The following AP3B1 variants were observed in gnomAD, a reference collection of about 807,000 sequenced individuals.
AP3B1 encodes the protein AP-3 complex subunit beta-1.
AP3B1 carries 61 observed loss-of-function variants against 132.5 expected under a neutral mutation model. The ratio of observed to expected loss-of-function variants is 0.46; its 90% CI spans 0.37 to 0.57. The LOEUF is 0.57. Among genes scored for constraint, AP3B1 ranks in the 20% least tolerant of loss-of-function variants. The probability of loss-of-function intolerance (pLI) is 0.00; values close to 1 mark genes in which losing one functional copy is unlikely to be tolerated. For synonymous variants in AP3B1, 388 were observed against 438.3 expected (o/e 0.89, Z 1.43); for missense variants, 1,120 against 1,289.4 (o/e 0.87, Z 2.01).
intron 8 of AP3B1, among the ~76,000 whole-genome samples, chr5:78,180,487 G>A (rs1315523597): frequency 6.6e-6 from 1 of 151,908 alleles, no homozygotes; most frequent in Non-Finnish European, 1.5e-5. Flanking sequence ...AAAATAAAAA[G>A]AAGCAGCAGC....
chr5:78,125,454 T>C (rs1401571294), intron 17 of AP3B1, among the ~76,000 whole-genome samples: 2 of 152,100 alleles, frequency 1.3e-5, no homozygotes, highest in African/African-American at 2.4e-5. Context: ...TAGAATAACA[T>C]AGTATATTAT....
chr5:78,004,462 T>G (rs550881196), intron 26 of AP3B1, among the ~76,000 whole-genome samples: 3 of 152,200 alleles, frequency 2.0e-5, no homozygotes, highest in African/African-American at 2.4e-5. Context: ...TCTCTTTAAA[T>G]GAAAAGTAAT....
intron 15 of AP3B1, among the ~76,000 whole-genome samples, chr5:78,133,518 A>T (rs1752771215): frequency 6.6e-6 from 1 of 152,178 alleles, no homozygotes; most frequent in African/African-American, 2.4e-5. Flanking sequence ...ATTTGGGACA[A>T]ATCCTAAACT....
intron 7 of AP3B1, among the ~76,000 whole-genome samples, chr5:78,183,193 C>T (rs185262995): frequency 1.3e-5 from 2 of 152,202 alleles, no homozygotes; most frequent in Non-Finnish European, 2.9e-5. Context: ...TGAGTAAAAT[C>T]CCTCTGAAGT....
chr5:78,110,155 A>C (rs2112251995), intron 20 of AP3B1, 52 bp downstream of exon 20: 1 of 1,486,548 alleles, frequency 6.7e-7, no homozygotes, highest in African/African-American at 1.4e-5. Flanking sequence ...TGTCTATTTT[A>C]GTTGCTATAA....
chr5:78,233,217 A>G lies in AP3B1; in HGVS notation c.280-4978T>C, dbSNP rs1580521960. Among the ~76,000 whole-genome samples, 3 of 148,594 alleles carry G rather than the reference A, an allele frequency of 2.0e-5. No homozygotes were observed. The South Asian group carries it at 6.3e-4, about 31-fold the overall frequency. ...CTTCTTTCATCTGGAGAAGTTCCTCAGCCTTTGTTTTTCTTTTTTCTTTTT... is the reference window on the plus strand; with the variant it reads ...CTTCTTTCATCTGGAGAAGTTCCTCGGCCTTTGTTTTTCTTTTTTCTTTTT... On this transcript the variant is annotated intron_variant, in intron 3 of 26. Transcript: ENST00000255194.
At chr5:78,158,506 G>A (rs1199715483) in intron 13 of AP3B1, among the ~76,000 whole-genome samples, 1 of 151,844 alleles carries the variant, frequency 6.6e-6, no homozygotes, top group East Asian at 1.9e-4. Context: ...TAATATTAAT[G>A]CTTCAGTTTA....
intron 14 of AP3B1, among the ~76,000 whole-genome samples, chr5:78,145,989 C>T (rs1052599758): frequency 5.3e-5 from 8 of 152,122 alleles, no homozygotes; most frequent in African/African-American, 1.4e-4. Flanking sequence ...ACTGGCTTTT[C>T]CTAAAATTGC....
intron 14 of AP3B1, among the ~76,000 whole-genome samples, chr5:78,151,053 G>A (rs1275832912): frequency 6.6e-6 from 1 of 151,996 alleles, no homozygotes; most frequent in African/African-American, 2.4e-5. Context: ...CAGGTAGCTG[G>A]GATTACAGGC....
At chr5:78,171,584 T>A (rs959401794) in intron 11 of AP3B1, among the ~76,000 whole-genome samples, 3 of 152,148 alleles carry the variant, frequency 2.0e-5, no homozygotes, top group African/African-American at 7.2e-5. Flanking sequence ...GCACATTGAG[T>A]TTTTATCCTG....
chr5:78,055,906 TAAG>T (rs1748793791), intron 22 of AP3B1, among the ~76,000 whole-genome samples: 1 of 152,234 alleles, frequency 6.6e-6, no homozygotes, highest in Non-Finnish European at 1.5e-5. Flanking sequence ...GATAATTTCA[TAAG>T]CATACATCAT....
intron 3 of AP3B1, among the ~76,000 whole-genome samples, chr5:78,231,371 A>G (rs1746646043): frequency 6.6e-6 from 1 of 151,940 alleles, no homozygotes; most frequent in African/African-American, 2.4e-5. Flanking sequence ...ATGGGGTTTC[A>G]CCAAGTTGGC....
At chr5:78,033,126 C>T (rs1465744070) in intron 24 of AP3B1, among the ~76,000 whole-genome samples, 1 of 152,018 alleles carries the variant, frequency 6.6e-6, no homozygotes, top group Non-Finnish European at 1.5e-5. Context: ...TGAGCTTTGT[C>T]ATTGGGTTCA....
intron 24 of AP3B1, 99 bp from the exon 25 acceptor site, chr5:78,020,888 A>G: frequency 1.1e-6 from 1 of 942,502 alleles, no homozygotes. Context: ...GCTAGCATAT[A>G]CAGTATAAGA....
intron 7 of AP3B1, among the ~76,000 whole-genome samples, chr5:78,199,710 C>T (rs565833417): frequency 7.2e-5 from 11 of 151,796 alleles, no homozygotes; most frequent in East Asian, 5.8e-4. Context: ...AGAAGGAGGG[C>T]GATTAATTAA....
At chr5:78,192,784 A>G (rs1580467675) in intron 7 of AP3B1, among the ~76,000 whole-genome samples, 1 of 152,316 alleles carries the variant, frequency 6.6e-6, no homozygotes, top group Non-Finnish European at 1.5e-5. Context: ...AACCTCAGAG[A>G]GCTTTCTGGC....
intron 3 of AP3B1, among the ~76,000 whole-genome samples, chr5:78,238,852 T>C (rs566815113): frequency 1.9e-4 from 28 of 150,338 alleles, no homozygotes; most frequent in Middle Eastern, 3.2e-3. Context: ...GTTAGCAAAA[T>C]AGACACTCCA....
chr5:78,129,088 A>G (rs758557418), intron 16 of AP3B1, 33 bp downstream of exon 16: 10 of 1,565,132 alleles, frequency 6.4e-6, no homozygotes, highest in African/African-American at 1.4e-5. Context: ...TTTTTTAGAT[A>G]ACATATATTT....
downstream of AP3B1, chr5:78,001,307 C>T (rs1319572537): frequency 6.6e-6 from 1 of 152,126 alleles, no homozygotes; most frequent in Non-Finnish European, 1.5e-5. Flanking sequence ...TTATGAAGCT[C>T]TGAGCAATAA....
Sources: gnomAD v4.1 joint callset for allele counts (sites outside exome capture counted in the v4.1 genomes callset) on GRCh38, gnomAD v4.1.1 for gene constraint, MANE v1.5 for transcripts, NCBI Gene and HGNC (gene_info 2026-07-23, HGNC 2026-07-21) for gene names.